DIP2A: variants seen among roughly 807,000 people sequenced by gnomAD.
DIP2A encodes disco-interacting protein 2 homolog A.
DIP2A carries 85 observed loss-of-function variants against 177.4 expected under a neutral mutation model. The observed-to-expected ratio is 0.48, with a 90% CI of 0.40 to 0.57. The LOEUF (loss-of-function observed/expected upper bound fraction) is 0.57. DIP2A is among the 20% of genes least tolerant of loss of function. DIP2A has a pLI of 0.00. For missense variants in DIP2A, 1,791 were observed against 2,100.2 expected (o/e 0.85, Z 2.88); for synonymous variants, 886 against 881.8 (o/e 1.00, Z -0.08).
Position 46,553,993 on chromosome 21 carries a change from A to G in DIP2A, c.3031-176A>G, listed in dbSNP as rs141592112. On this transcript the variant is annotated intron_variant, in intron 25 of 37. Coordinates refer to ENST00000417564, the MANE Select transcript of DIP2A (RefSeq NM_015151.4). ...AGCCTGGCCAACATGGTGAAACCCCATCTCTACCAAAAAAAAGACACCAGC... is the reference window on the plus strand; with the variant it reads ...AGCCTGGCCAACATGGTGAAACCCCGTCTCTACCAAAAAAAAGACACCAGC... 4.1e-5 allele frequency: 32 copies of G among 776,288 alleles called. No homozygotes were observed. The African/African-American group carries it at 5.3e-4, about 13-fold the overall frequency. 48.1% of individuals were successfully genotyped at this position (776,288 alleles called of 1,614,324 possible). A position where few individuals can be genotyped will look rare whatever the true frequency, so the allele number is the denominator to read the frequency against.
At chr21:46,574,123 A>G (rs1266219789), downstream of DIP2A, among the ~76,000 whole-genome samples, 1 of 152,230 alleles carries the variant, frequency 6.6e-6, no homozygotes, top group Admixed American at 6.5e-5. Context: ...TTAAGTCTCA[A>G]TAGATTTAAA....
chr21:46,463,544 C>G (rs895240630), intron 1 of DIP2A, among the ~76,000 whole-genome samples: 53 of 152,100 alleles, frequency 3.5e-4, no homozygotes, highest in African/African-American at 1.3e-3. Context: ...TTCTTATATT[C>G]TAACAATGCA....
At chr21:46,484,877 A>G in intron 2 of DIP2A, 49 bp downstream of exon 2, 3 of 1,468,474 alleles carry the variant, frequency 2.0e-6, no homozygotes, top group East Asian at 5.0e-5. Flanking sequence ...TTGTTTCATA[A>G]CATGTGATTT....
At chr21:46,543,276 G>C (rs1306002690) in intron 18 of DIP2A, among the ~76,000 whole-genome samples, 1 of 152,202 alleles carries the variant, frequency 6.6e-6, no homozygotes, top group Admixed American at 6.5e-5. Flanking sequence ...GGAAAATACA[G>C]GTAAGTGTTT....
intron 12 of DIP2A, among the ~76,000 whole-genome samples, 182 bp from the exon 13 acceptor site, chr21:46,534,403 T>G (rs1745730291): frequency 6.6e-6 from 1 of 152,152 alleles, no homozygotes; most frequent in African/African-American, 2.4e-5. Flanking sequence ...GAGCCACAAC[T>G]TCCACTGAAG....
In DIP2A at chr21:46,554,577, G is replaced by A. The variant is rs1051901137; in HGVS notation, c.3157G>A (p.Val1053Met). The stretch of plus-strand genomic sequence containing the variant: ...ACAGCCAGTCCTTGTCTCCACAGGG[G>A]TGGACCTCATTGCCGCGTTCTATGG... ...DHVALVYPPGVDLIAAFYGCL... is the reference protein window; with the variant it reads ...DHVALVYPPGMDLIAAFYGCL... The change falls in exon 27 of 38, where the codon GTG becomes ATG. Residue 1053 changes from valine to methionine, a missense_variant and splice_region_variant. Transcript: ENST00000417564. 4 of 1,611,726 alleles carry A rather than the reference G, an allele frequency of 2.5e-6. No individual in the cohort carries two copies. Among genetic ancestry groups the A allele is most frequent in the Admixed American group, 1.7e-5 (1 of 59,722 alleles).
chr21:46,582,993 A>G, the DIP2A span, among the ~76,000 whole-genome samples: 20 of 152,200 alleles, frequency 1.3e-4, no homozygotes, highest in Non-Finnish European at 2.6e-4. Context: ...AGACCCAACT[A>G]TATGCTGTCC....
chr21:46,554,708 T>C lies in DIP2A; in HGVS notation c.3276+12T>C. The C allele has an allele frequency of 6.4e-7, 1 of 1,559,138 alleles. No individual in the cohort carries two copies. The highest frequency in any genetic ancestry group is 1.4e-5 in the African/African-American group (1 of 73,558). On this transcript the variant is annotated intron_variant, in intron 27 of 37. Transcript: ENST00000417564. ...AGATGATCGTGGAGGTGCGCCTACC[T>C]GGCCCGCGGGTCAGAGTCTGTGAGT...
At chr21:46,576,125 A>G in the DIP2A span, among the ~76,000 whole-genome samples, 1 of 152,212 alleles carries the variant, frequency 6.6e-6, no homozygotes, top group African/African-American at 2.4e-5. Flanking sequence ...CCCGATGGCA[A>G]TTTTTAAAAA....
intron 28 of DIP2A, chr21:46,555,603 C>G: frequency 4.1e-6 from 1 of 241,266 alleles, no homozygotes; most frequent in South Asian, 4.8e-5. Flanking sequence ...ACCCAGAGCC[C>G]GTCCACAGCT....
At chr21:46,555,082 G>T (rs1055721603) in intron 28 of DIP2A, 149 bp downstream of exon 28, 8 of 780,072 alleles carry the variant, frequency 1.0e-5, no homozygotes, top group Middle Eastern at 3.2e-4. Context: ...CCGGGCCCTG[G>T]TGGGGAGTAG....
intron 1 of DIP2A, among the ~76,000 whole-genome samples, chr21:46,462,229 C>G (rs2054382376): frequency 6.6e-6 from 1 of 152,214 alleles, no homozygotes; most frequent in Non-Finnish European, 1.5e-5. Context: ...TTCCAGGGCG[C>G]TTCCACAGGT....
intron 1 of DIP2A, among the ~76,000 whole-genome samples, chr21:46,479,583 T>C (rs530943245): frequency 6.6e-6 from 1 of 152,340 alleles, no homozygotes; most frequent in African/African-American, 2.4e-5. Flanking sequence ...TGGAGTGCAG[T>C]GGTGCGATCA....
rs2060240190 is a variant in DIP2A, at chr21:46,550,731, T to G, written c.2826T>G (p.Arg942=). The change falls in exon 23 of 38, where the codon CGT becomes CGG. Residue 942 remains arginine (R), a synonymous_variant. Transcript: ENST00000417564. ...HTCVTNLPKP[R]QKQPEVGPAS... ...GTGTTACCAACCTCCCCAAACCTCGTCAGAAACAACCAGGTTAGTTGAACC... is the reference window on the plus strand; with the variant it reads ...GTGTTACCAACCTCCCCAAACCTCGGCAGAAACAACCAGGTTAGTTGAACC... 7 of 1,613,884 alleles carry G rather than the reference T, an allele frequency of 4.3e-6. No individual in the cohort carries two copies. The highest frequency in any genetic ancestry group is 5.9e-6 in the Non-Finnish European group (7 of 1,179,908).
At chr21:46,484,937 T>C in intron 2 of DIP2A, 109 bp downstream of exon 2, 1 of 1,010,470 alleles carries the variant, frequency 9.9e-7, no homozygotes, top group Non-Finnish European at 1.4e-6. Context: ...AAACCAACTT[T>C]AAACACTGGT....
chr21:46,528,817 T>A (rs1016303094), intron 8 of DIP2A, among the ~76,000 whole-genome samples: 4 of 152,040 alleles, frequency 2.6e-5, no homozygotes, highest in Admixed American at 2.0e-4. Flanking sequence ...TGTGAGTCAC[T>A]GCAACCTGCC....
At position 46,509,346 on chromosome 21, in the gene DIP2A, T is replaced by G. The variant is rs957452679; in HGVS notation, c.874T>G (p.Phe292Val). ...RPKRPPLKEFFVDDFEELLEV... is the reference protein window; with the variant it reads ...RPKRPPLKEFVVDDFEELLEV... ...AAAGCGCCCTCCACTGAAGGAGTTCTTTGTGGATGATTTTGAGGAATTGTT... is the reference window on the plus strand; with the variant it reads ...AAAGCGCCCTCCACTGAAGGAGTTCGTTGTGGATGATTTTGAGGAATTGTT... The change falls in exon 7 of 38, where the codon TTT (phenylalanine) becomes GTT (valine). Residue 292 changes from phenylalanine (F) to valine (V), a missense_variant. By Grantham distance (50) the Phe-to-Val change is conservative (BLOSUM62 -1). Coordinates refer to ENST00000417564, the MANE Select transcript of DIP2A (RefSeq NM_015151.4). The G allele has an allele frequency of 6.2e-7, 1 of 1,612,780 alleles. No homozygotes were observed. The highest frequency in any genetic ancestry group is 8.5e-7 in the Non-Finnish European group (1 of 1,179,494).
chr21:46,539,573 C>T (rs1000972853), intron 16 of DIP2A: 19 of 404,922 alleles, frequency 4.7e-5, no homozygotes, highest in African/African-American at 3.9e-4. Flanking sequence ...TGTTGCTGCA[C>T]CTGATCCTTG....
At chr21:46,553,626 C>T (rs557450293) in intron 25 of DIP2A, 2 of 153,510 alleles carry the variant, frequency 1.3e-5, no homozygotes, top group Admixed American at 1.3e-4. Flanking sequence ...GTGCAGGTGA[C>T]CTGTGGGCAT....
Sources: gnomAD v4.1 joint callset for allele counts (sites outside exome capture counted in the v4.1 genomes callset) on GRCh38, gnomAD v4.1.1 for gene constraint, MANE v1.5 for transcripts, NCBI Gene and HGNC (gene_info 2026-07-23, HGNC 2026-07-21) for gene names.